Variants in RBFOX1 observed in about 807,000 individuals in gnomAD.
RBFOX1 encodes RNA binding protein fox-1 homolog 1.
RBFOX1 carries 8 observed loss-of-function variants against 57.7 expected under a neutral mutation model. The observed-to-expected ratio is 0.14, with a 90% CI of 0.08 to 0.25. RBFOX1 has a LOEUF of 0.25. RBFOX1 is among the 10% of genes least tolerant of loss of function. The probability of loss-of-function intolerance (pLI) is 1.00; values close to 1 mark genes in which losing one functional copy is unlikely to be tolerated. For synonymous variants in RBFOX1, 326 were observed against 222.4 expected, an observed-to-expected ratio of 1.47 and a Z score of -4.15; for missense variants, 611 against 548.5, an observed-to-expected ratio of 1.11 and a Z score of -1.14.
At chr16:5,328,710 G>C (rs2064657573) in intron 1 of RBFOX1, among the ~76,000 whole-genome samples, 1 of 152,198 alleles carries the variant, frequency 6.6e-6, no homozygotes, top group African/African-American at 2.4e-5. Flanking sequence ...GCTGCCAGTG[G>C]ACCATTTAAG....
intron 2 of RBFOX1, among the ~76,000 whole-genome samples, chr16:6,335,756 G>A (rs2083557143): frequency 7.2e-6 from 1 of 139,324 alleles, no homozygotes; most frequent in Non-Finnish European, 1.5e-5. Flanking sequence ...CCAGCCTGGG[G>A]GATACAGCAA....
chr16:7,661,172 G>C (rs1031366876), intron 12 of RBFOX1, among the ~76,000 whole-genome samples: 1 of 152,184 alleles, frequency 6.6e-6, no homozygotes. Context: ...CTGCCGGTGA[G>C]GATGGCTACA....
intron 5 of RBFOX1, among the ~76,000 whole-genome samples, chr16:7,521,865 C>T (rs915096850): frequency 7.9e-5 from 12 of 152,316 alleles, no homozygotes; most frequent in Non-Finnish European, 8.8e-5. Flanking sequence ...GTTTTTGGAA[C>T]GTGTCCATCA....
chr16:6,620,318 A>C (rs981086714), intron 2 of RBFOX1, among the ~76,000 whole-genome samples: 1 of 152,218 alleles, frequency 6.6e-6, no homozygotes, highest in African/African-American at 2.4e-5. Flanking sequence ...GATAAAATAT[A>C]CCAGAATCTC....
chr16:5,521,035 T>C (rs2043991917), intron 2 of RBFOX1, among the ~76,000 whole-genome samples: 1 of 152,188 alleles, frequency 6.6e-6, no homozygotes, highest in African/African-American at 2.4e-5. Flanking sequence ...GTTAGGTTAA[T>C]AGAGATTAAT....
chr16:7,152,791 A>T (rs1387027108), intron 4 of RBFOX1, among the ~76,000 whole-genome samples: 1 of 152,214 alleles, frequency 6.6e-6, no homozygotes, highest in Non-Finnish European at 1.5e-5. Context: ...ATGTCTAAGC[A>T]TGGTGGACCA....
rs191436495 is a variant in RBFOX1 at position 5,905,195 on chromosome 16, G to C, written c.351+37860G>C. Among the ~76,000 whole-genome samples, 158 of 150,338 alleles carry C rather than the reference G, an allele frequency of 1.1e-3. 1 individual carries two copies. The highest frequency in any genetic ancestry group is 2.9e-3 in the African/African-American group (120 of 40,948). On this transcript the variant is annotated intron_variant, in intron 4 of 19. Transcript: ENST00000641259. ...TGATTCTCCTGCCTCAGCCTCACGA[G>C]TAGCTGGGATTATAGGTGGGTGCCA...
chr16:7,184,163 T>A (rs1043181148), intron 4 of RBFOX1, among the ~76,000 whole-genome samples: 31 of 151,936 alleles, frequency 2.0e-4, no homozygotes, highest in African/African-American at 7.0e-4. Context: ...ATAAAAAGAG[T>A]AGCACAGGGC....
intron 3 of RBFOX1, among the ~76,000 whole-genome samples, chr16:5,664,846 A>G (rs183336133): frequency 3.1e-4 from 47 of 152,222 alleles, no homozygotes; most frequent in Middle Eastern, 3.4e-3. Flanking sequence ...TCAGAATGCA[A>G]TACACATGGC....
intron 3 of RBFOX1, among the ~76,000 whole-genome samples, chr16:6,759,640 G>C (rs971435666): frequency 2.0e-5 from 3 of 151,768 alleles, no homozygotes; most frequent in African/African-American, 4.8e-5. Flanking sequence ...GATTTATTTA[G>C]GTCTATTACT....
intron 3 of RBFOX1, among the ~76,000 whole-genome samples, chr16:5,629,692 C>T (rs2048444335): frequency 6.6e-6 from 1 of 152,198 alleles, no homozygotes. Flanking sequence ...GTGCTTACCT[C>T]CCTTCCTTTC....
chr16:7,431,211 A>G (rs1322718677), intron 4 of RBFOX1: 1 of 151,870 alleles, frequency 6.6e-6, no homozygotes, highest in African/African-American at 2.4e-5. Flanking sequence ...TATTTTTTAC[A>G]TGTCTTTTAT....
At chr16:6,055,558 A>T (rs1252605901) in intron 1 of RBFOX1, among the ~76,000 whole-genome samples, 1 of 134,164 alleles carries the variant, frequency 7.5e-6, no homozygotes, top group African/African-American at 2.8e-5. Flanking sequence ...GCACCACTGC[A>T]CTCCAGCTTG....
rs2098530423 is a variant in RBFOX1, at chr16:7,420,531, G to A, written c.28-97616G>A. On this transcript the variant is annotated intron_variant, in intron 4 of 15. Coordinates refer to ENST00000550418, the MANE Select transcript of RBFOX1 (RefSeq NM_018723.4). The stretch of plus-strand genomic sequence containing the variant: ...CATGTCTGATGTTTGAATCAACCAG[G>A]CCTTTTCTGCAAGAGCTTTCCTCAA... 2.6e-5 allele frequency among the ~76,000 whole-genome samples: 4 copies of A among 151,992 alleles called. No homozygotes were observed. In the South Asian group the frequency reaches 8.3e-4, roughly 32 times the overall value.
chr16:7,126,330 G>A (rs562234873), intron 4 of RBFOX1: 19 of 291,046 alleles, frequency 6.5e-5, no homozygotes, highest in East Asian at 2.9e-4. Context: ...GGCAGCACCC[G>A]CAGGTCTAAA....
At chr16:7,118,562 C>T (rs930607280) in intron 4 of RBFOX1, among the ~76,000 whole-genome samples, 5 of 152,070 alleles carry the variant, frequency 3.3e-5, no homozygotes, top group African/African-American at 7.2e-5. Context: ...GCCACCTGTG[C>T]CCCCAAAGCT....
intron 4 of RBFOX1, among the ~76,000 whole-genome samples, chr16:7,071,937 T>C (rs1181264027): frequency 6.6e-6 from 1 of 152,120 alleles, no homozygotes; most frequent in Non-Finnish European, 1.5e-5. Context: ...CTTTTTCAGC[T>C]CTACCTTCTC....
intron 12 of RBFOX1, among the ~76,000 whole-genome samples, chr16:7,657,564 C>T (rs1001236411): frequency 2.6e-5 from 4 of 152,246 alleles, no homozygotes; most frequent in Non-Finnish European, 4.4e-5. Flanking sequence ...CTGGGCCTCC[C>T]AAAGTGCTGG....
At chr16:5,322,871 T>C (rs1266538988) in intron 1 of RBFOX1, among the ~76,000 whole-genome samples, 1 of 152,238 alleles carries the variant, frequency 6.6e-6, no homozygotes, top group Non-Finnish European at 1.5e-5. Context: ...TCACCTGTCA[T>C]ACTGATTGTT....
Sources: gnomAD v4.1 joint callset for allele counts (sites outside exome capture counted in the v4.1 genomes callset) on GRCh38, gnomAD v4.1.1 for gene constraint, MANE v1.5 for transcripts, NCBI Gene and HGNC (gene_info 2026-07-23, HGNC 2026-07-21) for gene names.